GLRA1: variants seen among roughly 807,000 people sequenced by gnomAD.
The protein encoded by GLRA1 is glycine receptor alpha 1.
GLRA1 carries 37 observed loss-of-function variants against 48.3 expected under a neutral mutation model. The observed-to-expected ratio is 0.77, with a 90% confidence interval of 0.59 to 1.01. GLRA1 has a LOEUF of 1.01. Among genes scored for constraint, GLRA1 ranks in the 50% least tolerant of loss-of-function variants. The pLI, the probability that GLRA1 is intolerant of heterozygous loss-of-function variation, is 0.00. For synonymous variants in GLRA1, 196 were observed against 210.7 expected, an observed-to-expected ratio of 0.93 and a Z score of 0.60; for missense variants, 427 against 571.0, an observed-to-expected ratio of 0.75 and a Z score of 2.57.
chr5:151,857,602 C>T (rs1400666357), intron 4 of GLRA1, among the ~76,000 whole-genome samples: 1 of 152,204 alleles, frequency 6.6e-6, no homozygotes, highest in Non-Finnish European at 1.5e-5. Flanking sequence ...GGTGTCCAGA[C>T]ACAGTTGACT....
chr5:151,851,067 G>T (rs1235176812), intron 7 of GLRA1, among the ~76,000 whole-genome samples: 1 of 152,152 alleles, frequency 6.6e-6, no homozygotes, highest in Non-Finnish European at 1.5e-5. Flanking sequence ...GCAGAATATT[G>T]TACTTAGCCC....
In GLRA1 at chr5:151,859,808, A is replaced by G. The variant is rs543660999; in HGVS notation, c.453T>C (p.Asn151=). Residue 151 remains asparagine (N), a synonymous_variant, in exon 4 of 9, where the codon AAT becomes AAC. Transcript: ENST00000274576. ...TDNKLLRISR[N]GNVLYSIRIT... is the part of the protein sequence containing the mutation. ...ACCTGATGCTGTAGAGGACATTCCC[A>G]TTCCGGGAGATCCTTAGCAATTTGT... 1.2e-6 allele frequency: 2 copies of G among 1,613,522 alleles called. No homozygotes were observed. Among genetic ancestry groups the G allele is most frequent in the South Asian group, 2.2e-5 (2 of 91,044 alleles).
chr5:151,850,222 G>T (rs1752864672), intron 7 of GLRA1: 2 of 1,604,116 alleles, frequency 1.2e-6, no homozygotes, highest in Non-Finnish European at 1.7e-6. Flanking sequence ...TACCAGGCCT[G>T]CTTGTATGCT....
At chr5:151,881,581 G>T (rs532226914) in intron 3 of GLRA1, among the ~76,000 whole-genome samples, 1 of 148,232 alleles carries the variant, frequency 6.7e-6, no homozygotes, top group Non-Finnish European at 1.5e-5. Context: ...AGCAATCTGC[G>T]CACCTTGGCC....
At chr5:151,850,753 C>T in intron 7 of GLRA1, 1 of 1,029,520 alleles carries the variant, frequency 9.7e-7, no homozygotes, top group Non-Finnish European at 1.5e-6. Flanking sequence ...CACGTGTCTT[C>T]TCAATGAAAC....
At chr5:151,824,922 G>A (rs1374351657) in intron 8 of GLRA1, among the ~76,000 whole-genome samples, 1 of 152,130 alleles carries the variant, frequency 6.6e-6, no homozygotes, top group African/African-American at 2.4e-5. Context: ...ATGTTTACTT[G>A]TATATCTTCA....
At chr5:151,909,955 G>GCTCCAGTCA (rs1438241564) in intron 1 of GLRA1, among the ~76,000 whole-genome samples, 1 of 152,008 alleles carries the variant, frequency 6.6e-6, no homozygotes, top group Non-Finnish European at 1.5e-5. Flanking sequence ...ATTGGGTAGG[G>GCTCCAGTCA]CTCCAGTCAC....
At chr5:151,899,718 G>A (rs986186231) in intron 1 of GLRA1, among the ~76,000 whole-genome samples, 17 of 152,090 alleles carry the variant, frequency 1.1e-4, no homozygotes, top group East Asian at 3.9e-4. Context: ...GCTTAGGCTG[G>A]CCAGGGAGTG....
chr5:151,840,404 C>T (rs1763687098), intron 7 of GLRA1, among the ~76,000 whole-genome samples: 1 of 151,896 alleles, frequency 6.6e-6, no homozygotes, highest in Admixed American at 6.6e-5. Context: ...CACAAAAATA[C>T]ATATTTAATG....
intron 7 of GLRA1, among the ~76,000 whole-genome samples, chr5:151,834,146 C>G (rs535190928): frequency 1.3e-5 from 2 of 152,326 alleles, no homozygotes; most frequent in East Asian, 3.9e-4. Context: ...TTACAGAACT[C>G]TCCACCCAAA....
intron 3 of GLRA1, among the ~76,000 whole-genome samples, chr5:151,871,249 C>A (rs1753476678): frequency 6.7e-6 from 1 of 149,286 alleles, no homozygotes; most frequent in African/African-American, 2.6e-5. Flanking sequence ...TCTCTTGGAT[C>A]CCCCAGACCC....
Position 151,851,674 on chromosome 5 carries a change from A to G in GLRA1, c.698-70T>C, listed in dbSNP as rs1752917706. 4.9e-6 allele frequency: 5 copies of G among 1,024,142 alleles called. No individual in the cohort carries two copies. In the South Asian group the frequency reaches 6.4e-5, roughly 13 times the overall value. 63.4% of individuals were successfully genotyped at this position (1,024,142 alleles called of 1,614,324 possible). The stretch of plus-strand genomic sequence containing the variant: ...GACAAAAGGCTTTAGGATTAGAACA[A>G]CCTCGGCTAGAGTCCTGGTTCAGTC... On this transcript the variant is annotated intron_variant, in intron 6 of 8. Transcript: ENST00000274576.
chr5:151,855,661 T>A (rs755616849), intron 5 of GLRA1, among the ~76,000 whole-genome samples: 2 of 152,192 alleles, frequency 1.3e-5, no homozygotes, highest in African/African-American at 2.4e-5. Flanking sequence ...GGTTCAGAAT[T>A]GGTTTGTGCT....
At chr5:151,868,123 T>C (rs1753381833) in intron 3 of GLRA1, among the ~76,000 whole-genome samples, 1 of 152,198 alleles carries the variant, frequency 6.6e-6, no homozygotes. Context: ...TCATCAAATA[T>C]TACAGCTAGA....
At chr5:151,907,686 T>C (rs1754509837) in intron 1 of GLRA1, among the ~76,000 whole-genome samples, 1 of 152,208 alleles carries the variant, frequency 6.6e-6, no homozygotes, top group Admixed American at 6.5e-5. Context: ...TCTCAAGGCC[T>C]GGGATGGCCC....
In GLRA1 at chr5:151,850,074, G is replaced by A. The variant is rs72802220; in HGVS notation, c.912+1316C>T. The A allele has an allele frequency of 3.7e-4, 600 of 1,603,992 alleles. 1 individual carries two copies. Among genetic ancestry groups the A allele is most frequent in the Middle Eastern group, 9.1e-4 (4 of 4,388 alleles). On this transcript the variant is annotated intron_variant, in intron 7 of 8. Coordinates refer to ENST00000274576, the MANE Select transcript of GLRA1 (RefSeq NM_000171.4). ...GCAACCAGCACCCTGGTTTGGCATG[G>A]AGCAGGAATATACCCTCATGGGGAC...
intron 7 of GLRA1, among the ~76,000 whole-genome samples, chr5:151,849,381 C>CTTTCG (rs1561554954): frequency 0.023 from 108 of 4,712 alleles, 18 homozygotes; most frequent in African/African-American, 0.057. Flanking sequence ...CTTTCGTTTC[C>CTTTCG]TTTCCTTTCC....
chr5:151,915,268 G>A (rs1301283578), intron 1 of GLRA1, among the ~76,000 whole-genome samples: 3 of 152,098 alleles, frequency 2.0e-5, no homozygotes, highest in African/African-American at 7.2e-5. Flanking sequence ...GCTGAGATGG[G>A]GCATCCTGAG....
chr5:151,904,307 G>A (rs905867333), intron 1 of GLRA1, among the ~76,000 whole-genome samples: 3 of 152,152 alleles, frequency 2.0e-5, no homozygotes, highest in African/African-American at 7.2e-5. Context: ...GGGACCAAAC[G>A]GGATCCTGAG....
Sources: gnomAD v4.1 joint callset for allele counts (sites outside exome capture counted in the v4.1 genomes callset) on GRCh38, gnomAD v4.1.1 for gene constraint, MANE v1.5 for transcripts, NCBI Gene and HGNC (gene_info 2026-07-23, HGNC 2026-07-21) for gene names.